ADGRL3: variants seen among roughly 807,000 people sequenced by gnomAD.
The protein encoded by ADGRL3 is adhesion G protein-coupled receptor L3, also known as calcium-independent alpha-latrotoxin receptor 3.
Under a neutral mutation model 153.5 loss-of-function variants are expected in ADGRL3, and 62 were observed. The ratio of observed to expected loss-of-function variants is 0.40; its 90% CI spans 0.33 to 0.50. The LOEUF is 0.50. Among genes scored for constraint, ADGRL3 ranks in the 20% least tolerant of loss-of-function variants. ADGRL3 has a pLI of 0.47. For synonymous variants in ADGRL3, 710 were observed against 672.5 expected (o/e 1.06, Z -0.86); for missense variants, 1,641 against 1,859.4 (o/e 0.88, Z 2.16).
At chr4:62,063,028 TG>T (rs1324459124) in intron 25 of ADGRL3, among the ~76,000 whole-genome samples, 2 of 152,120 alleles carry the variant, frequency 1.3e-5, no homozygotes, top group African/African-American at 4.8e-5. Context: ...TTATCATAAA[TG>T]TTGCCTTTTA....
rs544982240 is a variant in ADGRL3, at chr4:61,437,944, G to A, written c.-174+54755G>A. ...ATGACACTTTTCTCCAAATTCTTAT[G>A]ACACACATTCACATTTGGAACTTGA... On this transcript the variant is annotated intron_variant, in intron 2 of 26. Coordinates refer to ENST00000683033, the MANE Select transcript of ADGRL3 (RefSeq NM_001387552.1). Among the ~76,000 whole-genome samples the A allele has an allele frequency of 2.6e-5, 4 of 152,212 alleles. No individual in the cohort carries two copies. In the South Asian group the frequency reaches 8.3e-4, roughly 32 times the overall value.
chr4:61,899,386 T>A (rs1248405222), intron 11 of ADGRL3, among the ~76,000 whole-genome samples: 1 of 151,964 alleles, frequency 6.6e-6, no homozygotes, highest in Non-Finnish European at 1.5e-5. Flanking sequence ...AAAATTGAAG[T>A]CAAATAGATA....
At chr4:61,407,963 T>C (rs1384705013) in intron 2 of ADGRL3, among the ~76,000 whole-genome samples, 1 of 152,080 alleles carries the variant, frequency 6.6e-6, no homozygotes, top group Non-Finnish European at 1.5e-5. Context: ...GAGGAATGCA[T>C]CTGGAAAAAC....
chr4:61,542,169 AC>A (rs1442938419), intron 4 of ADGRL3, among the ~76,000 whole-genome samples: 1 of 152,128 alleles, frequency 6.6e-6, no homozygotes, highest in Non-Finnish European at 1.5e-5. Context: ...GCTAAAAGGA[AC>A]CTTTGGGATC....
intron 4 of ADGRL3, among the ~76,000 whole-genome samples, chr4:61,564,864 A>G (rs937381084): frequency 2.0e-5 from 3 of 152,128 alleles, no homozygotes; most frequent in Non-Finnish European, 4.4e-5. Flanking sequence ...GGAAGAGAGG[A>G]GATGGGAAAA....
chr4:61,930,762 T>G (rs893155999), intron 13 of ADGRL3, among the ~76,000 whole-genome samples: 5 of 152,088 alleles, frequency 3.3e-5, no homozygotes, highest in African/African-American at 1.2e-4. Flanking sequence ...ATATTCGATT[T>G]TTAGAAACAG....
At chr4:61,945,683 G>T (rs1268727394) in intron 15 of ADGRL3, among the ~76,000 whole-genome samples, 1 of 148,256 alleles carries the variant, frequency 6.7e-6, no homozygotes, top group Admixed American at 6.8e-5. Flanking sequence ...TATTCGGGTG[G>T]GAGTGACCCG....
intron 1 of ADGRL3, among the ~76,000 whole-genome samples, chr4:61,244,733 AATG>A (rs1396191788): frequency 1.3e-5 from 2 of 152,026 alleles, no homozygotes; most frequent in Non-Finnish European, 2.9e-5. Flanking sequence ...CAAAAATAGG[AATG>A]ATATTAGGAA....
At chr4:61,528,810 T>C (rs1235338031) in intron 4 of ADGRL3, among the ~76,000 whole-genome samples, 1 of 152,154 alleles carries the variant, frequency 6.6e-6, no homozygotes, top group Non-Finnish European at 1.5e-5. Flanking sequence ...CTATTTCTGC[T>C]GATGGTGTGC....
intron 17 of ADGRL3, among the ~76,000 whole-genome samples, chr4:61,968,434 C>A (rs895735333): frequency 2.6e-5 from 4 of 152,090 alleles, no homozygotes; most frequent in Non-Finnish European, 4.4e-5. Flanking sequence ...TCATGGAAAT[C>A]TTTTTCTTTG....
At chr4:61,846,714 A>G (rs1581118924) in intron 9 of ADGRL3, among the ~76,000 whole-genome samples, 1 of 152,100 alleles carries the variant, frequency 6.6e-6, no homozygotes, top group East Asian at 1.9e-4. Flanking sequence ...TGCAGGTCGT[A>G]CAGGAAACAT....
intron 2 of ADGRL3, among the ~76,000 whole-genome samples, chr4:61,444,380 A>G (rs1304958485): frequency 6.6e-6 from 1 of 152,102 alleles, no homozygotes; most frequent in Non-Finnish European, 1.5e-5. Context: ...ACCAGATTCC[A>G]TGAGTGACTT....
chr4:62,042,859 T>A (rs1729103315), intron 24 of ADGRL3, among the ~76,000 whole-genome samples: 1 of 152,208 alleles, frequency 6.6e-6, no homozygotes, highest in Non-Finnish European at 1.5e-5. Flanking sequence ...ATTAGTATAC[T>A]GAGAATACCT....
At chr4:61,252,643 CTG>C (rs1759714198) in intron 1 of ADGRL3, among the ~76,000 whole-genome samples, 3 of 150,684 alleles carry the variant, frequency 2.0e-5, no homozygotes, top group African/African-American at 7.3e-5. Context: ...TGTCAGATCA[CTG>C]TATTTTAGAT....
intron 2 of ADGRL3, among the ~76,000 whole-genome samples, chr4:61,478,123 C>G (rs1025352639): frequency 1.3e-5 from 2 of 151,936 alleles, no homozygotes; most frequent in Non-Finnish European, 2.9e-5. Context: ...TCATTTGGGA[C>G]AGAATCTTCC....
chr4:61,750,052 G>C (rs748579881), intron 8 of ADGRL3, among the ~76,000 whole-genome samples: 12 of 151,730 alleles, frequency 7.9e-5, no homozygotes, highest in Non-Finnish European at 1.6e-4. Context: ...GTCTTTAAGT[G>C]GAGCTGAACC....
At chr4:61,909,790 T>A in intron 12 of ADGRL3, 45 bp downstream of exon 12, 1 of 1,390,710 alleles carries the variant, frequency 7.2e-7, no homozygotes, top group Admixed American at 2.5e-5. Context: ...TGTGTGTGTG[T>A]GTGTGTGTGT....
At chr4:61,382,635 T>C (rs2096684622) in intron 1 of ADGRL3, among the ~76,000 whole-genome samples, 3 of 151,758 alleles carry the variant, frequency 2.0e-5, no homozygotes, top group Non-Finnish European at 4.4e-5. Flanking sequence ...ATAAATAGAT[T>C]ACAGTATTTG....
intron 1 of ADGRL3, among the ~76,000 whole-genome samples, chr4:61,338,276 T>TA (rs571090815): frequency 8.4e-4 from 116 of 138,036 alleles, no homozygotes; most frequent in South Asian, 2.8e-3. Context: ...TGTCTCAATT[T>TA]AAAAAAAAAA....
Sources: gnomAD v4.1 joint callset for allele counts (sites outside exome capture counted in the v4.1 genomes callset) on GRCh38, gnomAD v4.1.1 for gene constraint, MANE v1.5 for transcripts, NCBI Gene and HGNC (gene_info 2026-07-23, HGNC 2026-07-21) for gene names.